The following SNTG1 variants were observed in gnomAD, a reference collection of about 807,000 sequenced individuals.
SNTG1 encodes the protein gamma-1-syntrophin.
Under a neutral mutation model 74.7 loss-of-function variants are expected in SNTG1, and 39 were observed. The observed-to-expected ratio is 0.52, with a 90% confidence interval of 0.40 to 0.68. SNTG1 has a LOEUF of 0.68. SNTG1 is among the 30% of genes least tolerant of loss of function. SNTG1 has a pLI of 0.00. For synonymous variants in SNTG1, 254 were observed against 217.1 expected (o/e 1.17, Z -1.49); for missense variants, 685 against 609.5 (o/e 1.12, Z -1.30).
chr8:50,253,621 T>G (rs1037388020), intron 2 of SNTG1, among the ~76,000 whole-genome samples: 1 of 151,496 alleles, frequency 6.6e-6, no homozygotes, highest in Non-Finnish European at 1.5e-5. Flanking sequence ...AAATGTGGTG[T>G]GTGTGTGTGT....
At chr8:49,957,229 C>G (rs993753378) in intron 1 of SNTG1, among the ~76,000 whole-genome samples, 3 of 152,180 alleles carry the variant, frequency 2.0e-5, no homozygotes, top group African/African-American at 2.4e-5. Flanking sequence ...CTCATTCTCA[C>G]AGTTTCCAGC....
chr8:50,332,148 A>T lies in SNTG1; in HGVS notation c.-27-62064A>T, dbSNP rs934267721. On this transcript the variant is annotated intron_variant, in intron 2 of 18. Coordinates refer to ENST00000642720, the MANE Select transcript of SNTG1 (RefSeq NM_018967.5). ...TAGACAACCCCAAAATTTTTATGAA[A>T]TATGAAAAATGTTCTGATCTTTCCA... Among the ~76,000 whole-genome samples, 5 of 152,338 alleles carry T rather than the reference A, an allele frequency of 3.3e-5. No individual in the cohort carries two copies. In the South Asian group the frequency reaches 6.2e-4, roughly 19 times the overall value.
intron 1 of SNTG1, among the ~76,000 whole-genome samples, chr8:49,980,208 CTT>C (rs1812547055): frequency 3.3e-5 from 5 of 152,194 alleles, no homozygotes; most frequent in African/African-American, 1.2e-4. Context: ...CACTATTCTA[CTT>C]TCTTTCTCTA....
intron 1 of SNTG1, among the ~76,000 whole-genome samples, chr8:50,147,374 G>T (rs922956343): frequency 6.6e-6 from 1 of 152,144 alleles, no homozygotes; most frequent in African/African-American, 2.4e-5. Context: ...TAACTGTTTT[G>T]ACTGGTAACT....
At chr8:50,671,709 A>G (rs1313575332) in intron 15 of SNTG1, among the ~76,000 whole-genome samples, 4 of 151,620 alleles carry the variant, frequency 2.6e-5, no homozygotes, top group African/African-American at 9.7e-5. Flanking sequence ...TACCCAAAGG[A>G]CTATAAATCA....
intron 2 of SNTG1, among the ~76,000 whole-genome samples, chr8:50,256,125 A>T (rs2086868575): frequency 6.6e-6 from 1 of 152,114 alleles, no homozygotes; most frequent in Non-Finnish European, 1.5e-5. Context: ...ATTTCTCTTC[A>T]CCGACATAGC....
chr8:50,000,232 C>T (rs550437990), intron 1 of SNTG1, among the ~76,000 whole-genome samples: 30 of 152,018 alleles, frequency 2.0e-4, no homozygotes, highest in African/African-American at 5.8e-4. Context: ...TGCTTACTTC[C>T]GGGCTTTTAA....
chr8:50,783,664 C>T (rs1379687801), intron 18 of SNTG1, among the ~76,000 whole-genome samples: 1 of 152,220 alleles, frequency 6.6e-6, no homozygotes, highest in Non-Finnish European at 1.5e-5. Context: ...TGAGGCAATG[C>T]CTTGCCCTGC....
chr8:50,777,320 CT>C, intron 18 of SNTG1, among the ~76,000 whole-genome samples: 1 of 149,392 alleles, frequency 6.7e-6, no homozygotes, highest in East Asian at 2.0e-4. Flanking sequence ...TTTCTTACAA[CT>C]TTTATTCTAA....
At chr8:50,549,971 G>A (rs1417901276) in intron 11 of SNTG1, among the ~76,000 whole-genome samples, 1 of 152,030 alleles carries the variant, frequency 6.6e-6, no homozygotes, top group Non-Finnish European at 1.5e-5. Context: ...GAAAGTACCG[G>A]GATCCACCAA....
chr8:50,545,526 A>G (rs1449525134), intron 11 of SNTG1, among the ~76,000 whole-genome samples: 1 of 149,734 alleles, frequency 6.7e-6, no homozygotes, highest in Non-Finnish European at 1.5e-5. Flanking sequence ...GAGAAGTATA[A>G]TTTTGAGGAG....
chr8:50,287,904 TG>T (rs5891359), intron 2 of SNTG1, among the ~76,000 whole-genome samples: 24,108 of 152,174 alleles, frequency 0.16, 2,316 homozygotes, highest in Middle Eastern at 0.27. Flanking sequence ...CACCCCTCTG[TG>T]TCCATCCAGC....
chr8:49,985,792 T>A (rs1480113230), intron 1 of SNTG1, among the ~76,000 whole-genome samples: 1 of 152,188 alleles, frequency 6.6e-6, no homozygotes, highest in Non-Finnish European at 1.5e-5. Context: ...GATTGTTTTT[T>A]AAACTTTGAT....
At chr8:50,747,589 A>G (rs565652646) in intron 17 of SNTG1, among the ~76,000 whole-genome samples, 1 of 152,206 alleles carries the variant, frequency 6.6e-6, no homozygotes, top group East Asian at 1.9e-4. Flanking sequence ...ATTATTTTAT[A>G]TAATCTCCAT....
rs919653945 is a variant in SNTG1, at chr8:50,700,858, T to A, written c.1039-3742T>A. ...GAGTCAGTTCATGAGAAGTATATTA[T>A]AAATAACAACAGGAAATGGCAAGAA... On this transcript the variant is annotated intron_variant, in intron 15 of 18. Coordinates refer to ENST00000642720, the MANE Select transcript of SNTG1 (RefSeq NM_018967.5). Among the ~76,000 whole-genome samples, 4 of 152,186 alleles carry A rather than the reference T, an allele frequency of 2.6e-5. No homozygotes were observed. In the East Asian group the frequency reaches 7.7e-4, roughly 29 times the overall value.
chr8:50,307,144 T>C (rs2089933541), intron 2 of SNTG1, among the ~76,000 whole-genome samples: 1 of 152,098 alleles, frequency 6.6e-6, no homozygotes, highest in Admixed American at 6.6e-5. Context: ...ATTTGAACTT[T>C]TTAAAGCTCT....
At chr8:50,772,135 C>A (rs1265361760) in intron 18 of SNTG1, among the ~76,000 whole-genome samples, 3 of 151,990 alleles carry the variant, frequency 2.0e-5, no homozygotes, top group Non-Finnish European at 4.4e-5. Context: ...ACCATTGAGA[C>A]CTCTGAATTA....
At chr8:50,652,924 T>A (rs1431985270) in intron 13 of SNTG1, among the ~76,000 whole-genome samples, 1 of 152,028 alleles carries the variant, frequency 6.6e-6, no homozygotes, top group Admixed American at 6.6e-5. Flanking sequence ...AAAGTCCTTT[T>A]TATTTCTAGA....
At chr8:50,079,320 C>CT (rs1448281376) in intron 1 of SNTG1, among the ~76,000 whole-genome samples, 1 of 151,972 alleles carries the variant, frequency 6.6e-6, no homozygotes, top group African/African-American at 2.4e-5. Context: ...TGATAATCAG[C>CT]TTTTTTTCAA....
Sources: gnomAD v4.1 joint callset for allele counts (sites outside exome capture counted in the v4.1 genomes callset) on GRCh38, gnomAD v4.1.1 for gene constraint, MANE v1.5 for transcripts, NCBI Gene and HGNC (gene_info 2026-07-23, HGNC 2026-07-21) for gene names.